The following FBXO21 variants were observed in gnomAD, a reference collection of about 807,000 sequenced individuals.
FBXO21 encodes the protein F-box only protein 21.
Under a neutral mutation model 76.6 loss-of-function variants are expected in FBXO21, and 32 were observed. The ratio of observed to expected loss-of-function variants is 0.42; its 90% confidence interval spans 0.32 to 0.56. The LOEUF is 0.56. Ranked by LOEUF, FBXO21 falls within the 20% of genes least tolerant of loss-of-function variation. FBXO21 has a pLI of 0.16. For synonymous variants in FBXO21, 328 were observed against 311.5 expected (o/e 1.05, Z -0.56); for missense variants, 586 against 797.3 (o/e 0.73, Z 3.19).
At chr12:117,163,303 C>T (rs1357747830) in intron 9 of FBXO21, among the ~76,000 whole-genome samples, 1 of 150,160 alleles carries the variant, frequency 6.7e-6, no homozygotes, top group Non-Finnish European at 1.5e-5. Flanking sequence ...GAGGCCGAGG[C>T]AGGTGGATCA....
At chr12:117,190,155 TGCCCG>T in intron 1 of FBXO21, 58 bp downstream of exon 1, 1 of 919,266 alleles carries the variant, frequency 1.1e-6, no homozygotes, top group Non-Finnish European at 1.3e-6. Flanking sequence ...GCGGGGCGGC[TGCCCG>T]GCCCCGGGGG....
At position 117,173,036 on chromosome 12, in the gene FBXO21, A is replaced by ATT. The variant is rs1395205768; in HGVS notation, c.877-431_877-430dup. Among the ~76,000 whole-genome samples, 36 of 143,924 alleles carry ATT rather than the reference A, an allele frequency of 2.5e-4. 1 individual carries two copies. The highest frequency in any genetic ancestry group is 2.3e-3 in the East Asian group (11 of 4,888). 94.4% of individuals were successfully genotyped at this position (143,924 alleles called of 152,430 possible). ...CTACATGGCCCTCAATGCTGAAATA[A>ATT]TTTTTTTTTTTTTTTTGAGATGGAG... On this transcript the variant is annotated intron_variant, in intron 6 of 11. Transcript: ENST00000622495.
At chr12:117,185,478 A>T (rs1039115628) in intron 3 of FBXO21, among the ~76,000 whole-genome samples, 1 of 152,258 alleles carries the variant, frequency 6.6e-6, no homozygotes, top group African/African-American at 2.4e-5. Flanking sequence ...CAGAACTTTT[A>T]GAACAGAAAG....
At chr12:117,158,199 C>G in intron 9 of FBXO21, 136 bp from the exon 10 acceptor site, 1 of 938,536 alleles carries the variant, frequency 1.1e-6, no homozygotes, top group South Asian at 1.5e-5. Flanking sequence ...CCTGATCGAA[C>G]CGGTCCAGGT....
At chr12:117,189,974 T>G (rs1956327679) in intron 1 of FBXO21, among the ~76,000 whole-genome samples, 3 of 152,042 alleles carry the variant, frequency 2.0e-5, no homozygotes, top group African/African-American at 7.2e-5. Flanking sequence ...GCCGCCAGCG[T>G]CACCCTTGAC....
At chr12:117,182,844 T>G (rs908087574) in intron 3 of FBXO21, among the ~76,000 whole-genome samples, 83 of 152,222 alleles carry the variant, frequency 5.5e-4, no homozygotes, top group African/African-American at 1.7e-3. Flanking sequence ...ATTACAGGCG[T>G]GAGCCACCAT....
At chr12:117,173,216 A>G (rs897402329) in intron 6 of FBXO21, among the ~76,000 whole-genome samples, 6 of 152,080 alleles carry the variant, frequency 3.9e-5, no homozygotes, top group Admixed American at 1.3e-4. Flanking sequence ...TTTTTAGTAG[A>G]AACAGGGTTT....
chr12:117,179,103 C>T (rs1386529694), intron 3 of FBXO21, among the ~76,000 whole-genome samples: 2 of 152,176 alleles, frequency 1.3e-5, no homozygotes, highest in African/African-American at 2.4e-5. Context: ...AACAACTTGC[C>T]AATCTTGAGA....
At chr12:117,166,155 A>ACTCCAGTC (rs1250440805) in intron 8 of FBXO21, among the ~76,000 whole-genome samples, 1 of 148,706 alleles carries the variant, frequency 6.7e-6, no homozygotes, top group Non-Finnish European at 1.5e-5. Flanking sequence ...ACGCCATTGC[A>ACTCCAGTC]CTCCAGTCTG....
intron 3 of FBXO21, among the ~76,000 whole-genome samples, chr12:117,178,727 G>A (rs2135879388): frequency 6.6e-6 from 1 of 151,938 alleles, no homozygotes; most frequent in Admixed American, 6.6e-5. Context: ...CTTCTCCTAG[G>A]TTTCAACTCA....
rs1415390672 is a variant in FBXO21, at chr12:117,144,462, C to G, written c.*1625G>C. On this transcript the variant is annotated 3_prime_UTR_variant, in exon 12 of 12. Coordinates refer to ENST00000622495, the MANE Select transcript of FBXO21 (RefSeq NM_015002.3). ...CCAAATCCCCATCTCTTTCTAGTAACTGCTTAAAGCCTTCCCTTGCTATGA... is the reference window on the plus strand; with the variant it reads ...CCAAATCCCCATCTCTTTCTAGTAAGTGCTTAAAGCCTTCCCTTGCTATGA... 1 of 152,196 alleles carries G rather than the reference C, an allele frequency of 6.6e-6. No homozygotes were observed. Among genetic ancestry groups the G allele is most frequent in the East Asian group, 1.9e-4 (1 of 5,192 alleles). The allele number at this position is 152,196 out of a possible 1,614,324, so 9.4% of individuals were successfully genotyped here. A position where few individuals can be genotyped will look rare whatever the true frequency, so the allele number is the denominator to read the frequency against.
intron 4 of FBXO21, among the ~76,000 whole-genome samples, chr12:117,175,603 C>G (rs1166221200): frequency 6.6e-6 from 1 of 152,214 alleles, no homozygotes; most frequent in Non-Finnish European, 1.5e-5. Flanking sequence ...GACCCCAGTC[C>G]CAGTGTTGCC....
chr12:117,187,587 T>C (rs1241178781), intron 2 of FBXO21, among the ~76,000 whole-genome samples: 1 of 152,128 alleles, frequency 6.6e-6, no homozygotes. Flanking sequence ...ACCCACAGAT[T>C]AATGTTAAGT....
chr12:117,179,606 C>CA (rs1956209050), intron 3 of FBXO21, among the ~76,000 whole-genome samples: 1 of 152,196 alleles, frequency 6.6e-6, no homozygotes, highest in East Asian at 1.9e-4. Context: ...GTAGAGGCTA[C>CA]ATGAGATACA....
chr12:117,147,156 C>T (rs988965483), intron 11 of FBXO21, among the ~76,000 whole-genome samples: 3 of 151,646 alleles, frequency 2.0e-5, no homozygotes, highest in African/African-American at 4.9e-5. Context: ...ACAGGAAAAT[C>T]GCTTGAACCT....
rs555763280 is a variant in FBXO21, at chr12:117,190,171, G to C, written c.239+47C>G. 6 of 1,098,488 alleles carry C rather than the reference G, an allele frequency of 5.5e-6. No homozygotes were observed. In the Admixed American group the frequency reaches 2.4e-4, roughly 45 times the overall value. 68.0% of individuals were successfully genotyped at this position (1,098,488 alleles called of 1,614,324 possible). A position where few individuals can be genotyped will look rare whatever the true frequency, so the allele number is the denominator to read the frequency against. On this transcript the variant is annotated intron_variant, in intron 1 of 11. Transcript: ENST00000622495. ...CGGGGCGGCTGCCCGGCCCCGGGGG[G>C]CGCGGGGCGGTGGGCGCGCAGCCGG...
At chr12:117,166,780 C>T in intron 8 of FBXO21, 118 bp downstream of exon 8, 1 of 764,014 alleles carries the variant, frequency 1.3e-6, no homozygotes, top group East Asian at 2.5e-5. Context: ...GCAAAGAGAA[C>T]TTCTTAGGGT....
At chr12:117,163,381 A>T (rs1322628252) in intron 9 of FBXO21, among the ~76,000 whole-genome samples, 1 of 151,106 alleles carries the variant, frequency 6.6e-6, no homozygotes, top group Admixed American at 6.6e-5. Flanking sequence ...AAAAATATAA[A>T]AATTAACCAG....
rs1367926434 is a variant in FBXO21 at position 117,167,014 on chromosome 12, T to C, written c.1077A>G (p.Thr359=). Reference sequence around the variant, plus strand: ...CGATCAAGTACTCGCATTCTTTCACTGTCAGCTGCTTGCCTTTCCCAAAAG... The same window carrying C: ...CGATCAAGTACTCGCATTCTTTCACCGTCAGCTGCTTGCCTTTCCCAAAAG... ...IDAFGKGKQL[T]VKECEYLIGQ... Residue 359 remains threonine, a synonymous_variant, in exon 8 of 12, where the codon ACA becomes ACG. Transcript: ENST00000622495. 1.2e-6 allele frequency: 2 copies of C among 1,614,038 alleles called. No homozygotes were observed. The highest frequency in any genetic ancestry group is 2.7e-5 in the African/African-American group (2 of 74,922).
Sources: gnomAD v4.1 joint callset for allele counts (sites outside exome capture counted in the v4.1 genomes callset) on GRCh38, gnomAD v4.1.1 for gene constraint, MANE v1.5 for transcripts, NCBI Gene and HGNC (gene_info 2026-07-23, HGNC 2026-07-21) for gene names.